Variants in RAB30 observed in about 807,000 individuals in gnomAD.
RAB30 encodes ras-related protein Rab-30.
Under a neutral mutation model 25.1 loss-of-function variants are expected in RAB30, and 9 were observed. The observed-to-expected ratio is 0.36, with a 90% CI of 0.22 to 0.63. The LOEUF (loss-of-function observed/expected upper bound fraction) is 0.63. Ranked by LOEUF, RAB30 falls within the 20% of genes least tolerant of loss-of-function variation. The pLI is 0.69. For synonymous variants in RAB30, 77 were observed against 86.4 expected (o/e 0.89, Z 0.60); for missense variants, 140 against 243.5 (o/e 0.58, Z 2.83).
At chr11:83,024,948 G>A (rs1351740428) in intron 1 of RAB30, among the ~76,000 whole-genome samples, 1 of 152,156 alleles carries the variant, frequency 6.6e-6, no homozygotes, top group Non-Finnish European at 1.5e-5. Flanking sequence ...TTCAAGATCT[G>A]AGGTGTCTTG....
At chr11:83,018,297 C>CAAAA (rs904843218) in intron 1 of RAB30, among the ~76,000 whole-genome samples, 2 of 68,562 alleles carry the variant, frequency 2.9e-5, no homozygotes, top group African/African-American at 4.4e-5. Context: ...GACTCCATCT[C>CAAAA]AAAAAAAAAA....
At chr11:83,069,361 C>T (rs1261014179) in intron 1 of RAB30, among the ~76,000 whole-genome samples, 1 of 152,182 alleles carries the variant, frequency 6.6e-6, no homozygotes, top group East Asian at 1.9e-4. Context: ...TTAGACTTTC[C>T]ACACCTAGAG....
intron 1 of RAB30, among the ~76,000 whole-genome samples, chr11:83,049,916 G>C (rs1858319321): frequency 6.6e-6 from 1 of 152,086 alleles, no homozygotes; most frequent in African/African-American, 2.4e-5. Context: ...CCTCAAAGTA[G>C]AATTGGCCAT....
intron 1 of RAB30, among the ~76,000 whole-genome samples, chr11:83,050,120 G>A (rs765114139): frequency 6.6e-6 from 1 of 152,010 alleles, no homozygotes; most frequent in Non-Finnish European, 1.5e-5. Context: ...AAAATTAGCT[G>A]GGCATGGTGG....
intron 1 of RAB30, among the ~76,000 whole-genome samples, chr11:83,012,887 G>T (rs1408190513): frequency 1.3e-5 from 2 of 152,058 alleles, no homozygotes; most frequent in Non-Finnish European, 2.9e-5. Context: ...AGTTCCCAGA[G>T]CATGGGCCCC....
intron 1 of RAB30, among the ~76,000 whole-genome samples, chr11:83,037,909 A>C (rs921723100): frequency 1.2e-4 from 19 of 152,166 alleles, no homozygotes; most frequent in African/African-American, 4.6e-4. Flanking sequence ...CATCACTGCC[A>C]AACTGGGACC....
chr11:83,037,004 A>C (rs1324827107), intron 1 of RAB30, among the ~76,000 whole-genome samples: 1 of 152,196 alleles, frequency 6.6e-6, no homozygotes. Flanking sequence ...TCAGGGAAAT[A>C]GTGTAATCTG....
At chr11:83,012,281 T>C (rs983182917) in intron 1 of RAB30, among the ~76,000 whole-genome samples, 4 of 152,194 alleles carry the variant, frequency 2.6e-5, no homozygotes, top group Admixed American at 6.5e-5. Flanking sequence ...TGAACACTTG[T>C]ACAAGATGCA....
intron 1 of RAB30, among the ~76,000 whole-genome samples, chr11:83,036,246 A>T (rs1857985496): frequency 6.6e-6 from 1 of 150,520 alleles, no homozygotes; most frequent in African/African-American, 2.4e-5. Context: ...GGCTCACTGC[A>T]ACCTCCACCT....
At chr11:83,032,906 T>C (rs531930394) in intron 1 of RAB30, among the ~76,000 whole-genome samples, 12 of 152,210 alleles carry the variant, frequency 7.9e-5, no homozygotes, top group Non-Finnish European at 1.8e-4. Context: ...TCAAGAATGA[T>C]AGGAAAAATC....
chr11:83,014,042 C>A (rs1397120292), intron 1 of RAB30, among the ~76,000 whole-genome samples: 2 of 152,114 alleles, frequency 1.3e-5, no homozygotes, highest in Admixed American at 1.3e-4. Context: ...GCAGGGGATA[C>A]CATGATGAAC....
chr11:83,009,251 A>G (rs1857254281), intron 1 of RAB30, among the ~76,000 whole-genome samples: 1 of 152,080 alleles, frequency 6.6e-6, no homozygotes, highest in African/African-American at 2.4e-5. Flanking sequence ...TTTTTAGTAG[A>G]GACTGGGTTT....
intron 1 of RAB30, among the ~76,000 whole-genome samples, chr11:83,068,557 C>T (rs1420188280): frequency 6.6e-6 from 1 of 152,118 alleles, no homozygotes; most frequent in Non-Finnish European, 1.5e-5. Flanking sequence ...GACCAAAATA[C>T]ACCTGTAGCT....
chr11:83,055,771 CT>C, intron 1 of RAB30, among the ~76,000 whole-genome samples: 1 of 151,972 alleles, frequency 6.6e-6, no homozygotes, highest in Non-Finnish European at 1.5e-5. Context: ...GTGAGTTGTC[CT>C]TCTGTGCCTT....
At chr11:83,013,922 C>A (rs1247648007) in intron 1 of RAB30, among the ~76,000 whole-genome samples, 1 of 152,222 alleles carries the variant, frequency 6.6e-6, no homozygotes, top group Non-Finnish European at 1.5e-5. Context: ...AAGTCCTCAA[C>A]AACTCTGAGA....
At chr11:83,009,762 A>G (rs1857265241) in intron 1 of RAB30, among the ~76,000 whole-genome samples, 2 of 152,330 alleles carry the variant, frequency 1.3e-5, no homozygotes, top group Non-Finnish European at 2.9e-5. Context: ...AAGTAGAAAG[A>G]GGCACAACTT....
chr11:83,013,887 C>T (rs1315349117), intron 1 of RAB30, among the ~76,000 whole-genome samples: 2 of 152,220 alleles, frequency 1.3e-5, no homozygotes, highest in African/African-American at 4.8e-5. Context: ...ATCCACTTTA[C>T]CTGCATTATC....
intron 1 of RAB30, among the ~76,000 whole-genome samples, chr11:83,069,585 G>T (rs890224688): frequency 6.6e-6 from 1 of 152,068 alleles, no homozygotes; most frequent in South Asian, 2.1e-4. Flanking sequence ...GGAAGAAAGA[G>T]GGGGGAAAGA....
chr11:83,065,230 A>C (rs1858668893), intron 1 of RAB30, among the ~76,000 whole-genome samples: 1 of 152,148 alleles, frequency 6.6e-6, no homozygotes, highest in South Asian at 2.1e-4. Context: ...TCTACAAAAA[A>C]AAAATTTAAT....
Sources: gnomAD v4.1 joint callset for allele counts (sites outside exome capture counted in the v4.1 genomes callset) on GRCh38, gnomAD v4.1.1 for gene constraint, MANE v1.5 for transcripts, NCBI Gene and HGNC (gene_info 2026-07-23, HGNC 2026-07-21) for gene names.